The following WDR70 variants were observed in gnomAD, a reference collection of about 807,000 sequenced individuals.
The protein encoded by WDR70 is WD repeat domain 70, also known as WD repeat-containing protein 70.
Under a neutral mutation model 88.6 loss-of-function variants are expected in WDR70, and 53 were observed. That is an observed-to-expected ratio of 0.60 (90% CI 0.48 to 0.75). The LOEUF is 0.75. Among genes scored for constraint, WDR70 ranks in the 30% least tolerant of loss-of-function variants. The probability of loss-of-function intolerance (pLI) is 0.00; values close to 1 mark genes in which losing one functional copy is unlikely to be tolerated. For synonymous variants in WDR70, 280 were observed against 270.0 expected, an observed-to-expected ratio of 1.04 and a Z score of -0.36; for missense variants, 610 against 823.2, an observed-to-expected ratio of 0.74 and a Z score of 3.17.
At chr5:37,736,235 A>G (rs542018439) in intron 17 of WDR70, among the ~76,000 whole-genome samples, 24 of 152,340 alleles carry the variant, frequency 1.6e-4, no homozygotes, top group South Asian at 1.4e-3. Flanking sequence ...AGCTCTGTCA[A>G]CCACGTCACT....
chr5:37,615,531 C>T (rs1351449559), intron 10 of WDR70, among the ~76,000 whole-genome samples: 1 of 152,170 alleles, frequency 6.6e-6, no homozygotes, highest in Non-Finnish European at 1.5e-5. Context: ...AAAGGGACGT[C>T]ATCTTTCTCA....
rs557476182 is a variant in WDR70 at position 37,594,804 on chromosome 5, T to C, written c.918-10260T>C. Reference sequence around the variant, plus strand: ...TCTTCTTCCATTTGTTTGTGTCCTCTTTATATTTCGTTGAGCAGTGGTTTG... The same window carrying C: ...TCTTCTTCCATTTGTTTGTGTCCTCCTTATATTTCGTTGAGCAGTGGTTTG... On this transcript the variant is annotated intron_variant, in intron 9 of 17. Transcript: ENST00000265107. Among the ~76,000 whole-genome samples, 11 of 152,364 alleles carry C rather than the reference T, an allele frequency of 7.2e-5. 1 individual carries two copies. In the South Asian group the frequency reaches 2.3e-3, roughly 32 times the overall value.
intron 4 of WDR70, among the ~76,000 whole-genome samples, chr5:37,393,134 C>A (rs964511575): frequency 2.6e-5 from 4 of 152,172 alleles, no homozygotes; most frequent in African/African-American, 7.2e-5. Context: ...CCTCCGCCTC[C>A]CGGGTTCAAG....
intron 9 of WDR70, among the ~76,000 whole-genome samples, chr5:37,571,974 G>A (rs1742917790): frequency 6.6e-6 from 1 of 152,074 alleles, no homozygotes; most frequent in Admixed American, 6.6e-5. Flanking sequence ...TTAGATAACA[G>A]GAGCAAGGAC....
intron 8 of WDR70, among the ~76,000 whole-genome samples, chr5:37,493,769 G>A (rs914228541): frequency 3.9e-5 from 6 of 151,908 alleles, no homozygotes; most frequent in Admixed American, 2.6e-4. Context: ...TCCTTGAGGA[G>A]TTGTTAGGGA....
At chr5:37,406,114 G>GA (rs1303620483) in intron 5 of WDR70, among the ~76,000 whole-genome samples, 10 of 152,110 alleles carry the variant, frequency 6.6e-5, no homozygotes, top group Non-Finnish European at 1.0e-4. Context: ...GAAAACTAAG[G>GA]AAAACAAATT....
chr5:37,502,297 G>A (rs1179596910), intron 8 of WDR70, among the ~76,000 whole-genome samples: 1 of 151,964 alleles, frequency 6.6e-6, no homozygotes, highest in Non-Finnish European at 1.5e-5. Flanking sequence ...CTCTAGCTAG[G>A]ACTCCCAGTA....
At chr5:37,441,908 C>T (rs1214286505) in intron 6 of WDR70, among the ~76,000 whole-genome samples, 3 of 152,058 alleles carry the variant, frequency 2.0e-5, no homozygotes, top group African/African-American at 7.2e-5. Context: ...TTCTTTTCTT[C>T]TTAGAGGGCA....
chr5:37,718,747 G>T (rs796290018), intron 13 of WDR70, among the ~76,000 whole-genome samples: 8 of 152,220 alleles, frequency 5.3e-5, no homozygotes, highest in African/African-American at 1.7e-4. Context: ...ATCCATTTAG[G>T]CATGGGTGAA....
intron 9 of WDR70, among the ~76,000 whole-genome samples, chr5:37,596,410 G>T (rs991119252): frequency 1.2e-4 from 19 of 152,198 alleles, no homozygotes; most frequent in Non-Finnish European, 2.4e-4. Context: ...AGCTTCTCTT[G>T]CAGTTAGATG....
chr5:37,629,402 A>G (rs1744753710), intron 10 of WDR70, among the ~76,000 whole-genome samples: 1 of 152,164 alleles, frequency 6.6e-6, no homozygotes, highest in Admixed American at 6.5e-5. Context: ...TCCATCTGGA[A>G]TGCCCATAGT....
At chr5:37,637,079 C>T (rs547435596) in intron 10 of WDR70, among the ~76,000 whole-genome samples, 5 of 151,988 alleles carry the variant, frequency 3.3e-5, no homozygotes, top group African/African-American at 9.7e-5. Flanking sequence ...TGGTAGCTCA[C>T]GTATGTAATC....
chr5:37,407,279 G>A (rs1749381407), intron 5 of WDR70, among the ~76,000 whole-genome samples: 1 of 152,120 alleles, frequency 6.6e-6, no homozygotes, highest in Admixed American at 6.6e-5. Context: ...CCCAGCACTT[G>A]GGGAGGTCAA....
intron 10 of WDR70, among the ~76,000 whole-genome samples, chr5:37,689,858 A>G (rs1317798256): frequency 1.3e-5 from 2 of 152,244 alleles, no homozygotes; most frequent in East Asian, 3.8e-4. Context: ...ACAGAGAATG[A>G]CTTTGACGAG....
At chr5:37,688,122 T>C (rs1465101037) in intron 10 of WDR70, 3 of 433,712 alleles carry the variant, frequency 6.9e-6, no homozygotes, top group African/African-American at 4.0e-5. Flanking sequence ...ATAAAGTATA[T>C]ATTGATCAGT....
intron 9 of WDR70, among the ~76,000 whole-genome samples, chr5:37,525,840 G>A (rs1435995064): frequency 6.6e-6 from 1 of 152,152 alleles, no homozygotes; most frequent in African/African-American, 2.4e-5. Context: ...TACCATCAGA[G>A]AATACTATAA....
intron 9 of WDR70, among the ~76,000 whole-genome samples, chr5:37,573,635 G>T (rs1362192988): frequency 2.0e-5 from 3 of 149,908 alleles, no homozygotes; most frequent in African/African-American, 7.4e-5. Flanking sequence ...GCGGTGTTTG[G>T]TTTTTTGTCC....
chr5:37,656,521 T>G (rs1230532351), intron 10 of WDR70, among the ~76,000 whole-genome samples: 1 of 152,246 alleles, frequency 6.6e-6, no homozygotes, highest in Non-Finnish European at 1.5e-5. Flanking sequence ...CAGGAACTTT[T>G]AAGTCTGCTG....
chr5:37,630,925 A>G (rs1400235690), intron 10 of WDR70, among the ~76,000 whole-genome samples: 1 of 152,134 alleles, frequency 6.6e-6, no homozygotes, highest in African/African-American at 2.4e-5. Flanking sequence ...ATTTCTCCAG[A>G]TGGAGCTGAG....
Sources: allele counts gnomAD v4.1 joint callset (sites outside exome capture counted in the v4.1 genomes callset), GRCh38; gene constraint gnomAD v4.1.1; transcripts MANE v1.5; gene names NCBI Gene and HGNC (gene_info 2026-07-23, HGNC 2026-07-21).